Variants in KCNU1 observed in about 807,000 individuals in gnomAD.
KCNU1 encodes the protein potassium channel subfamily U member 1.
Under a neutral mutation model 126.8 loss-of-function variants are expected in KCNU1, and 93 were observed. That is an observed-to-expected ratio of 0.73 (90% CI 0.62 to 0.87). The LOEUF is 0.87. KCNU1 is among the 40% of genes least tolerant of loss of function. The probability of loss-of-function intolerance (pLI) is 0.00; values close to 1 mark genes in which losing one functional copy is unlikely to be tolerated. For missense variants in KCNU1, 1,330 were observed against 1,367.1 expected (o/e 0.97, Z 0.43); for synonymous variants, 523 against 494.2 (o/e 1.06, Z -0.77).
chr8:36,925,979 G>A (rs911268809), intron 24 of KCNU1, among the ~76,000 whole-genome samples: 20 of 152,124 alleles, frequency 1.3e-4, no homozygotes, highest in Admixed American at 2.0e-4. Flanking sequence ...CACAGTTCTC[G>A]TCCCCCAGAT....
chr8:36,932,469 T>C (rs2117618027), intron 25 of KCNU1, among the ~76,000 whole-genome samples: 1 of 152,240 alleles, frequency 6.6e-6, no homozygotes, highest in Admixed American at 6.5e-5. Flanking sequence ...CATAATGATC[T>C]TGTTGGCTAT....
intron 10 of KCNU1, among the ~76,000 whole-genome samples, chr8:36,818,152 C>T (rs911412331): frequency 3.9e-5 from 6 of 152,144 alleles, no homozygotes; most frequent in Admixed American, 1.3e-4. Context: ...TGTTGTTGTT[C>T]TGTGCAGTCT....
chr8:36,889,636 A>G (rs1806875703), intron 19 of KCNU1, among the ~76,000 whole-genome samples: 1 of 152,190 alleles, frequency 6.6e-6, no homozygotes, highest in South Asian at 2.1e-4. Context: ...AGAAAGTGGG[A>G]CAAATTTAAA....
chr8:36,891,192 TTAGAG>T (rs1806949065), intron 19 of KCNU1, among the ~76,000 whole-genome samples: 2 of 151,984 alleles, frequency 1.3e-5, no homozygotes, highest in African/African-American at 2.4e-5. Flanking sequence ...GTGATTTCTT[TTAGAG>T]TATTTTTATT....
chr8:36,929,765 T>C (rs1808643434), intron 24 of KCNU1, among the ~76,000 whole-genome samples: 2 of 152,064 alleles, frequency 1.3e-5, no homozygotes, highest in Non-Finnish European at 1.5e-5. Flanking sequence ...CTGCATCAGA[T>C]CCTGAAAGTT....
rs974639534 is a variant in KCNU1, at chr8:36,882,862, C to T, written c.2009+18341C>T. On this transcript the variant is annotated intron_variant, in intron 19 of 26. Coordinates refer to ENST00000399881, the MANE Select transcript of KCNU1 (RefSeq NM_001031836.3). ...CCTCCCAAACTGCTGGGATTACAGG[C>T]GTGAGCCACCAGGCCCACCCGCCAC... 6.6e-5 allele frequency among the ~76,000 whole-genome samples: 10 copies of T among 152,178 alleles called. No individual in the cohort carries two copies. The South Asian group carries it at 1.5e-3, about 22-fold the overall frequency.
intron 10 of KCNU1, among the ~76,000 whole-genome samples, chr8:36,828,238 A>G (rs1174022581): frequency 6.6e-6 from 1 of 152,076 alleles, no homozygotes; most frequent in Non-Finnish European, 1.5e-5. Context: ...TAGTCATAAC[A>G]TTCATAATTG....
intron 19 of KCNU1, among the ~76,000 whole-genome samples, chr8:36,890,688 T>C (rs1342165494): frequency 6.6e-6 from 1 of 151,870 alleles, no homozygotes; most frequent in South Asian, 2.1e-4. Context: ...ATAAATACAA[T>C]TAAAAGACAG....
At chr8:36,829,890 T>C (rs145424458) in intron 10 of KCNU1, among the ~76,000 whole-genome samples, 1,907 of 151,272 alleles carry the variant, frequency 0.013, 19 homozygotes, top group Non-Finnish European at 0.018. Flanking sequence ...TATCTTCCAG[T>C]AGGGTTTACT....
At position 36,836,909 on chromosome 8, in the gene KCNU1, C is replaced by T; in HGVS notation, c.1482C>T (p.Thr494=). ...AQGCLVPGLC[T]FLTSLFVEQN... is the part of the protein sequence containing the mutation. ...GCTGTTTGGTGCCAGGCTTGTGTAC[C>T]TTCCTAACATCTCTATTTGTGGAGC... The change falls in exon 14 of 27, where the codon ACC becomes ACT. Residue 494 remains threonine, a synonymous_variant. Transcript: ENST00000399881. 1 of 1,613,780 alleles carries T rather than the reference C, an allele frequency of 6.2e-7. No homozygotes were observed. The highest frequency in any genetic ancestry group is 8.5e-7 in the Non-Finnish European group (1 of 1,179,790).
intron 2 of KCNU1, among the ~76,000 whole-genome samples, chr8:36,803,463 A>G (rs748116598): frequency 2.6e-5 from 4 of 151,728 alleles, no homozygotes; most frequent in Non-Finnish European, 5.9e-5. Context: ...GAGATACCCT[A>G]TTTTACAGAG....
At chr8:36,838,219 T>C (rs1344403242) in intron 14 of KCNU1, among the ~76,000 whole-genome samples, 2 of 152,230 alleles carry the variant, frequency 1.3e-5, no homozygotes, top group Non-Finnish European at 2.9e-5. Context: ...CATTGTGTTG[T>C]ATATTTAGAA....
rs766388441 is a variant in KCNU1 at position 36,845,561 on chromosome 8, G to A, written c.1704-19G>A. Reference sequence around the variant, plus strand: ...AAATCAGAGGGAAACATTACCATGTGTTTATTTTTTGTTTCCAGTGGTCTG... The same window carrying A: ...AAATCAGAGGGAAACATTACCATGTATTTATTTTTTGTTTCCAGTGGTCTG... On this transcript the variant is annotated intron_variant, in intron 16 of 26. Transcript: ENST00000399881. 8.2e-6 allele frequency: 12 copies of A among 1,457,990 alleles called. No homozygotes were observed. Among genetic ancestry groups the A allele is most frequent in the Non-Finnish European group, 1.1e-5 (11 of 1,040,680 alleles). The allele number at this position is 1,457,990 out of a possible 1,614,324, so 90.3% of individuals were successfully genotyped here. A position where few individuals can be genotyped will look rare whatever the true frequency, so the allele number is the denominator to read the frequency against.
At chr8:36,877,996 A>C (rs1310172281) in intron 19 of KCNU1, among the ~76,000 whole-genome samples, 1 of 152,198 alleles carries the variant, frequency 6.6e-6, no homozygotes, top group East Asian at 1.9e-4. Context: ...TTCTCACTGC[A>C]TTCCAAGAAT....
chr8:36,823,641 T>C (rs1015881899), intron 10 of KCNU1, among the ~76,000 whole-genome samples: 3 of 151,834 alleles, frequency 2.0e-5, no homozygotes, highest in Non-Finnish European at 4.4e-5. Context: ...TCATATAGTA[T>C]ATATAATAGA....
At chr8:36,845,331 G>A (rs1003409357) in intron 16 of KCNU1, among the ~76,000 whole-genome samples, 5 of 152,176 alleles carry the variant, frequency 3.3e-5, no homozygotes, top group African/African-American at 7.2e-5. Context: ...AGGCTTTGCC[G>A]CAGGTCCGCT....
intron 24 of KCNU1, among the ~76,000 whole-genome samples, chr8:36,923,483 G>T (rs1280042141): frequency 6.6e-6 from 1 of 152,116 alleles, no homozygotes; most frequent in Non-Finnish European, 1.5e-5. Flanking sequence ...CCCCAGCTCT[G>T]GGGGAGAGGA....
chr8:36,805,189 TTC>T lies in KCNU1; in HGVS notation c.378-5_378-4del. Reference sequence around the variant, plus strand: ...TCTTCACAAACTGTCCTTCTTTCTTTTCCAGCCCTGTTGGAAGCTGTTCATCA... The same window carrying T: ...TCTTCACAAACTGTCCTTCTTTCTTTCAGCCCTGTTGGAAGCTGTTCATCA... On this transcript the variant is annotated splice_region_variant and splice_polypyrimidine_tract_variant and intron_variant, in intron 3 of 26. Transcript: ENST00000399881. The T allele has an allele frequency of 6.2e-7, 1 of 1,602,550 alleles. No individual in the cohort carries two copies. The highest frequency in any genetic ancestry group is 8.5e-7 in the Non-Finnish European group (1 of 1,171,476).
intron 16 of KCNU1, among the ~76,000 whole-genome samples, chr8:36,842,143 A>T (rs1040134630): frequency 2.6e-5 from 4 of 152,200 alleles, no homozygotes; most frequent in Non-Finnish European, 4.4e-5. Context: ...GTGGATAAGG[A>T]TTCATCATTT....
Sources: allele counts gnomAD v4.1 joint callset (sites outside exome capture counted in the v4.1 genomes callset), GRCh38; gene constraint gnomAD v4.1.1; transcripts MANE v1.5; gene names NCBI Gene and HGNC (gene_info 2026-07-23, HGNC 2026-07-21).